The following AUTS2 variants were observed in gnomAD, a reference collection of about 807,000 sequenced individuals.
AUTS2 encodes autism susceptibility gene 2 protein.
In AUTS2, 17 loss-of-function variants were observed where a neutral mutation model predicts 112.4. That is an observed-to-expected ratio of 0.15 (90% CI 0.10 to 0.23). The LOEUF (loss-of-function observed/expected upper bound fraction) is 0.23, where lower values mean the gene tolerates loss of function less well. Ranked by LOEUF, AUTS2 falls within the 10% of genes least tolerant of loss-of-function variation. The pLI is 1.00. For synonymous variants in AUTS2, 751 were observed against 702.7 expected (o/e 1.07, Z -1.09); for missense variants, 1,510 against 1,701.6 (o/e 0.89, Z 1.98).
At chr7:70,650,955 A>G (rs1340187121) in intron 5 of AUTS2, among the ~76,000 whole-genome samples, 1 of 152,236 alleles carries the variant, frequency 6.6e-6, no homozygotes, top group Non-Finnish European at 1.5e-5. Context: ...GCCCAAGAGA[A>G]TGATTTCAAT....
At chr7:70,726,757 G>C (rs961740625) in intron 6 of AUTS2, among the ~76,000 whole-genome samples, 1 of 152,184 alleles carries the variant, frequency 6.6e-6, no homozygotes, top group Non-Finnish European at 1.5e-5. Flanking sequence ...AGTCAGAGAG[G>C]CTTAAACACA....
At chr7:70,287,723 G>A (rs1788526209) in intron 4 of AUTS2, among the ~76,000 whole-genome samples, 1 of 151,756 alleles carries the variant, frequency 6.6e-6, no homozygotes, top group African/African-American at 2.4e-5. Flanking sequence ...AAAATAACTT[G>A]TAGTTTTTGT....
chr7:70,268,393 A>G (rs886201101), intron 4 of AUTS2, among the ~76,000 whole-genome samples: 2 of 152,162 alleles, frequency 1.3e-5, no homozygotes, highest in African/African-American at 2.4e-5. Context: ...ACTCTTTCTT[A>G]TGTAAGTCCA....
chr7:69,972,726 T>C (rs75093127), intron 2 of AUTS2, among the ~76,000 whole-genome samples: 1 of 151,792 alleles, frequency 6.6e-6, no homozygotes, highest in Non-Finnish European at 1.5e-5. Flanking sequence ...TGTCCAGTTG[T>C]TTTAGCACCA....
At chr7:70,310,743 C>T (rs1402763221) in intron 4 of AUTS2, among the ~76,000 whole-genome samples, 1 of 152,046 alleles carries the variant, frequency 6.6e-6, no homozygotes, top group African/African-American at 2.4e-5. Flanking sequence ...AAACAATTTG[C>T]AACAACATCA....
Position 70,064,437 on chromosome 7 carries a change from A to G in AUTS2, c.523-53695A>G, listed in dbSNP as rs897341784. 5.9e-5 allele frequency among the ~76,000 whole-genome samples: 9 copies of G among 152,342 alleles called. 1 individual carries two copies. In the South Asian group the frequency reaches 6.2e-4, roughly 11 times the overall value. On this transcript the variant is annotated intron_variant, in intron 2 of 18. Transcript: ENST00000342771. ...CACAAATCCAGCAAGTAGATAGTAT[A>G]CAATGGCTGCTTTTTGGCCTTGGAA...
At chr7:70,530,153 G>T (rs1381804586) in intron 5 of AUTS2, among the ~76,000 whole-genome samples, 1 of 152,188 alleles carries the variant, frequency 6.6e-6, no homozygotes, top group Non-Finnish European at 1.5e-5. Context: ...TGGGAAGGGG[G>T]TGTTGCTAGC....
intron 1 of AUTS2, among the ~76,000 whole-genome samples, chr7:69,692,481 A>C (rs1284102537): frequency 1.3e-5 from 2 of 152,232 alleles, no homozygotes; most frequent in South Asian, 4.1e-4. Context: ...ACATGTATGA[A>C]CTATCAAATA....
At chr7:70,786,367 A>T (rs532399915) in intron 17 of AUTS2, among the ~76,000 whole-genome samples, 1 of 152,322 alleles carries the variant, frequency 6.6e-6, no homozygotes, top group Non-Finnish European at 1.5e-5. Context: ...TTACAAGTGA[A>T]AGCAATAGTT....
At chr7:70,205,416 T>C (rs1001956655) in intron 4 of AUTS2, among the ~76,000 whole-genome samples, 1 of 152,168 alleles carries the variant, frequency 6.6e-6, no homozygotes, top group Admixed American at 6.5e-5. Context: ...TCATGCACCA[T>C]ATAACAACGT....
intron 1 of AUTS2, among the ~76,000 whole-genome samples, chr7:69,862,779 T>C (rs1793048767): frequency 6.6e-6 from 1 of 152,164 alleles, no homozygotes. Flanking sequence ...TCTCTACTCC[T>C]GATAAGGCAC....
chr7:69,774,160 C>G (rs1788795151), intron 1 of AUTS2, among the ~76,000 whole-genome samples: 1 of 152,218 alleles, frequency 6.6e-6, no homozygotes, highest in African/African-American at 2.4e-5. Flanking sequence ...AGCCTATAAT[C>G]CCAGCACTTT....
At chr7:69,964,254 A>G (rs1004012693) in intron 2 of AUTS2, among the ~76,000 whole-genome samples, 1 of 152,110 alleles carries the variant, frequency 6.6e-6, no homozygotes, top group African/African-American at 2.4e-5. Context: ...ACCTTGGTGA[A>G]GTCACTTTAC....
chr7:70,001,891 A>C (rs934905061), intron 2 of AUTS2, among the ~76,000 whole-genome samples: 1 of 152,012 alleles, frequency 6.6e-6, no homozygotes, highest in South Asian at 2.1e-4. Flanking sequence ...TTGTATTTCA[A>C]GTACAGATGA....
intron 5 of AUTS2, among the ~76,000 whole-genome samples, chr7:70,585,401 G>A (rs38325): frequency 0.017 from 2,540 of 152,138 alleles, 77 homozygotes; most frequent in African/African-American, 0.058. Flanking sequence ...CTACACTCCC[G>A]CTTCTCTTCC....
At chr7:70,647,964 C>G (rs1012028600) in intron 5 of AUTS2, among the ~76,000 whole-genome samples, 1 of 152,188 alleles carries the variant, frequency 6.6e-6, no homozygotes, top group African/African-American at 2.4e-5. Flanking sequence ...CAGGAAATGT[C>G]ACCCCATGGC....
intron 1 of AUTS2, among the ~76,000 whole-genome samples, chr7:69,714,236 CAT>C (rs1491421254): frequency 2.4e-4 from 26 of 106,426 alleles, no homozygotes; most frequent in African/African-American, 8.3e-4. Flanking sequence ...GCTAATTGTG[CAT>C]GTGTGTGTAT....
chr7:69,719,143 A>G (rs565741228), intron 1 of AUTS2, among the ~76,000 whole-genome samples: 47 of 152,258 alleles, frequency 3.1e-4, no homozygotes, highest in Admixed American at 6.5e-4. Context: ...AATTTAGGGG[A>G]AAATATTTCT....
chr7:69,860,205 T>C (rs1792914202), intron 1 of AUTS2, among the ~76,000 whole-genome samples: 1 of 151,828 alleles, frequency 6.6e-6, no homozygotes, highest in Non-Finnish European at 1.5e-5. Context: ...GAGTTACAGG[T>C]AGGAAAAGGC....
Sources: gnomAD v4.1 joint callset for allele counts (sites outside exome capture counted in the v4.1 genomes callset) on GRCh38, gnomAD v4.1.1 for gene constraint, MANE v1.5 for transcripts, NCBI Gene and HGNC (gene_info 2026-07-23, HGNC 2026-07-21) for gene names.